RANBP17: variants seen among roughly 807,000 people sequenced by gnomAD.
RANBP17 encodes the protein ran-binding protein 17.
A neutral mutation model predicts 141.2 loss-of-function variants in RANBP17; 158 were observed. That is an observed-to-expected ratio of 1.12 (90% confidence interval 0.98 to 1.28). The LOEUF (loss-of-function observed/expected upper bound fraction) is 1.28, where lower values mean the gene tolerates loss of function less well. RANBP17 is among the 50% of genes most tolerant of loss of function. The pLI is 0.00. For synonymous variants in RANBP17, 430 were observed against 450.0 expected, an observed-to-expected ratio of 0.96 and a Z score of 0.56; for missense variants, 1,438 against 1,290.7, an observed-to-expected ratio of 1.11 and a Z score of -1.75.
intron 5 of RANBP17, chr5:170,896,898 C>G: frequency 1.7e-6 from 1 of 602,200 alleles, no homozygotes. Flanking sequence ...CGGCGCGGCT[C>G]ACAAGCGCCC....
chr5:171,060,328 A>C (rs533028597), intron 14 of RANBP17, among the ~76,000 whole-genome samples: 8 of 149,984 alleles, frequency 5.3e-5, no homozygotes, highest in Non-Finnish European at 1.2e-4. Flanking sequence ...TATTATTTTG[A>C]GATACGTCCC....
rs779293409 is a variant in RANBP17 at position 170,916,554 on chromosome 5, G to A, written c.924G>A (p.Lys308=). The change falls in exon 9 of 28, where the codon AAG becomes AAA. Residue 308 remains lysine, a synonymous_variant. Coordinates refer to ENST00000523189, the MANE Select transcript of RANBP17 (RefSeq NM_022897.5). ...ERAKYLGNLI[K]GVKRILENPQ... is the part of the protein sequence containing the mutation. ...CCAAGTACCTTGGTAATTTAATTAA[G>A]GGAGTAAAAAGGATACTTGAAAACC... 1.9e-6 allele frequency: 3 copies of A among 1,572,690 alleles called. No individual in the cohort carries two copies. The highest frequency in any genetic ancestry group is 3.5e-5 in the Admixed American group (2 of 56,780).
chr5:171,031,550 C>A (rs546724074), intron 14 of RANBP17, among the ~76,000 whole-genome samples: 2 of 152,038 alleles, frequency 1.3e-5, no homozygotes, highest in African/African-American at 4.8e-5. Context: ...TTCTCCCTTT[C>A]CAGTTAGGAT....
chr5:170,941,254 A>G (rs543548128), intron 12 of RANBP17, among the ~76,000 whole-genome samples: 6 of 152,256 alleles, frequency 3.9e-5, no homozygotes, highest in Admixed American at 1.3e-4. Context: ...GAAACGAAGC[A>G]GAAATTAATG....
chr5:171,173,762 C>T (rs942960210), intron 16 of RANBP17, among the ~76,000 whole-genome samples: 2 of 152,178 alleles, frequency 1.3e-5, no homozygotes, highest in Non-Finnish European at 2.9e-5. Context: ...CAGAGTTTCT[C>T]TTTCAGGAGG....
chr5:171,018,021 C>T (rs1780575243), intron 14 of RANBP17, among the ~76,000 whole-genome samples: 1 of 152,016 alleles, frequency 6.6e-6, no homozygotes, highest in Non-Finnish European at 1.5e-5. Flanking sequence ...ATCCTTTCCC[C>T]ATTGCTTGTT....
chr5:170,955,648 GTATATA>G (rs1159344330), intron 13 of RANBP17, among the ~76,000 whole-genome samples: 558 of 21,552 alleles, frequency 0.026, 44 homozygotes, highest in African/African-American at 0.05. Flanking sequence ...TATGCTCAGT[GTATATA>G]TATATATATA....
chr5:171,044,396 G>A (rs1561586693), intron 14 of RANBP17, among the ~76,000 whole-genome samples: 1 of 151,638 alleles, frequency 6.6e-6, no homozygotes, highest in Non-Finnish European at 1.5e-5. Context: ...TTTTATGTTG[G>A]AAACTTATTT....
intron 22 of RANBP17, among the ~76,000 whole-genome samples, chr5:171,240,494 A>C (rs1326358580): frequency 1.5e-4 from 23 of 152,172 alleles, no homozygotes; most frequent in Admixed American, 1.5e-3. Flanking sequence ...ATTCATATAA[A>C]AGGTCAAAAA....
intron 14 of RANBP17, among the ~76,000 whole-genome samples, chr5:171,046,489 G>T (rs751396019): frequency 6.6e-5 from 10 of 152,014 alleles, no homozygotes; most frequent in Admixed American, 1.3e-4. Context: ...ATTACAGGAT[G>T]AGCCACCGTG....
chr5:171,183,988 A>AT (rs1235229281), intron 18 of RANBP17, among the ~76,000 whole-genome samples: 1 of 152,156 alleles, frequency 6.6e-6, no homozygotes, highest in African/African-American at 2.4e-5. Context: ...TATGTTGGGG[A>AT]TGGGGGGACA....
Position 171,096,615 on chromosome 5 carries a change from G to A in RANBP17, c.1711-73515G>A, listed in dbSNP as rs1338468063. Among the ~76,000 whole-genome samples, 3 of 152,146 alleles carry A rather than the reference G, an allele frequency of 2.0e-5. 1 individual carries two copies. In the South Asian group the frequency reaches 6.2e-4, roughly 31 times the overall value. ...ATCTAAAGAGATACTGCCTACCAAAGGGTAAGAGAAAAAGATTAGGATAAT... is the reference window on the plus strand; with the variant it reads ...ATCTAAAGAGATACTGCCTACCAAAAGGTAAGAGAAAAAGATTAGGATAAT... On this transcript the variant is annotated intron_variant, in intron 14 of 27. Transcript: ENST00000523189.
chr5:171,130,218 C>G (rs1252902779), intron 14 of RANBP17, among the ~76,000 whole-genome samples: 1 of 151,956 alleles, frequency 6.6e-6, no homozygotes, highest in African/African-American at 2.4e-5. Flanking sequence ...ACTCTCCTCC[C>G]CCATCACTAA....
chr5:171,061,748 A>T (rs1170321045), intron 14 of RANBP17, among the ~76,000 whole-genome samples: 2 of 152,108 alleles, frequency 1.3e-5, no homozygotes, highest in Non-Finnish European at 2.9e-5. Context: ...GATCTGTCTA[A>T]TGTTGACAGT....
At chr5:171,148,625 G>C (rs1423944207) in intron 14 of RANBP17, among the ~76,000 whole-genome samples, 1 of 151,810 alleles carries the variant, frequency 6.6e-6, no homozygotes, top group Non-Finnish European at 1.5e-5. Flanking sequence ...TAGAGAGAGA[G>C]AGAGAACATT....
intron 14 of RANBP17, among the ~76,000 whole-genome samples, chr5:171,035,560 G>GT (rs534241384): frequency 1.4e-3 from 188 of 138,664 alleles, no homozygotes; most frequent in African/African-American, 2.2e-3. Context: ...GTTTTTTAGG[G>GT]TTTTTTTTTT....
rs1447684980 is a variant in RANBP17, at chr5:170,925,904, T to TA, written c.1468+1355dup. The stretch of plus-strand genomic sequence containing the variant: ...CTTCATTTTCAGTACCATGCACTGT[T>TA]ACGTTGTTTGAATGTACCTCAGTTT... On this transcript the variant is annotated intron_variant, in intron 12 of 27. Coordinates refer to ENST00000523189, the MANE Select transcript of RANBP17 (RefSeq NM_022897.5). Among the ~76,000 whole-genome samples the TA allele has an allele frequency of 3.9e-5, 6 of 152,326 alleles. No individual in the cohort carries two copies. The East Asian group carries it at 5.8e-4, about 15-fold the overall frequency.
At chr5:171,252,317 C>T (rs769701002) in intron 24 of RANBP17, 24 of 1,547,310 alleles carry the variant, frequency 1.6e-5, no homozygotes, top group Non-Finnish European at 2.1e-5. Context: ...ACCCCAGACC[C>T]AATGCGGGTT....
At chr5:171,094,498 A>G (rs537369286) in intron 14 of RANBP17, among the ~76,000 whole-genome samples, 1 of 152,112 alleles carries the variant, frequency 6.6e-6, no homozygotes, top group Non-Finnish European at 1.5e-5. Flanking sequence ...TGATCTGTGT[A>G]TTTAAGGTGG....
Sources: allele counts gnomAD v4.1 joint callset (sites outside exome capture counted in the v4.1 genomes callset), GRCh38; gene constraint gnomAD v4.1.1; transcripts MANE v1.5; gene names NCBI Gene and HGNC (gene_info 2026-07-23, HGNC 2026-07-21).